ZP2: variants seen among roughly 807,000 people sequenced by gnomAD.
The protein encoded by ZP2 is zona pellucida glycoprotein 2.
Under a neutral mutation model 84.0 loss-of-function variants are expected in ZP2, and 51 were observed. That is an observed-to-expected ratio of 0.61 (90% CI 0.49 to 0.77). The LOEUF is 0.77. ZP2 is among the 30% of genes least tolerant of loss of function. The pLI is 0.00. For synonymous variants in ZP2, 375 were observed against 330.9 expected (o/e 1.13, Z -1.45); for missense variants, 909 against 911.9 (o/e 1.00, Z 0.04).
rs755332082 is a variant in ZP2 at position 21,209,689 on chromosome 16, A to G, written c.272T>C (p.Ile91Thr). ...CAGGGTGAGCTTTTCTGGGTCCAGG[A>G]TGTAAGTGCAGTTCGGCATGTCGAG... ...LGLDMPNCTY[I>T]LDPEKLTLRA... The change falls in exon 4 of 19, where the codon ATC becomes ACC. Residue 91 changes from isoleucine (I) to threonine (T), a missense_variant. Transcript: ENST00000574091. The G allele has an allele frequency of 6.2e-7, 1 of 1,614,010 alleles. No homozygotes were observed. Among genetic ancestry groups the G allele is most frequent in the Non-Finnish European group, 8.5e-7 (1 of 1,180,008 alleles).
chr16:21,205,922 G>T, intron 5 of ZP2, 147 bp from the exon 6 acceptor site: 1 of 738,282 alleles, frequency 1.4e-6, no homozygotes, highest in East Asian at 2.7e-5. Flanking sequence ...TGTGCCCTTA[G>T]ATGTCATTAT....
rs772193478 is a variant in ZP2, at chr16:21,201,502, G to A, written c.1561C>T (p.Arg521Cys). ...CTCACTTCCATGTAAATTGGTTGGCGGAGGAATCTCACTAGAGGGTACTCG... is the reference window on the plus strand; with the variant it reads ...CTCACTTCCATGTAAATTGGTTGGCAGAGGAATCTCACTAGAGGGTACTCG... ...ENEYPLVRFL[R>C]QPIYMEVRVL... is the part of the protein sequence containing the mutation. Residue 521 changes from arginine (R) to cysteine (C), a missense_variant, in exon 14 of 19, where the codon CGC becomes TGC. Arg to Cys is a radical substitution (Grantham distance 180, BLOSUM62 -3). Coordinates refer to ENST00000574091, the MANE Select transcript of ZP2 (RefSeq NM_001376232.1). 50 of 1,613,462 alleles carry A rather than the reference G, an allele frequency of 3.1e-5. No individual in the cohort carries two copies. Among genetic ancestry groups the A allele is most frequent in the South Asian group, 2.1e-4 (19 of 90,894 alleles).
In ZP2 at chr16:21,205,793, T is replaced by C. The variant is rs1302499054; in HGVS notation, c.484-18A>G. 1.2e-6 allele frequency: 2 copies of C among 1,613,548 alleles called. No individual in the cohort carries two copies. Among genetic ancestry groups the C allele is most frequent in the Admixed American group, 1.7e-5 (1 of 59,998 alleles). On this transcript the variant is annotated intron_variant, in intron 5 of 18. Transcript: ENST00000574091. ...AAGGAAAACTGGAAGAAAAGAATTGTGATGTAAGACTTTGATTTGGAGGTA... is the reference window on the plus strand; with the variant it reads ...AAGGAAAACTGGAAGAAAAGAATTGCGATGTAAGACTTTGATTTGGAGGTA...
chr16:21,205,219 C>T (rs1403263312), intron 7 of ZP2, among the ~76,000 whole-genome samples: 1 of 152,148 alleles, frequency 6.6e-6, no homozygotes, highest in Non-Finnish European at 1.5e-5. Flanking sequence ...TCTTGAACTC[C>T]TGACCTCAAG....
At chr16:21,197,995 A>C in intron 17 of ZP2, 146 bp from the exon 18 acceptor site, 1 of 689,670 alleles carries the variant, frequency 1.4e-6, no homozygotes, top group Non-Finnish European at 2.5e-6. Context: ...ATACACACTT[A>C]AGTTTGGCCA....
Position 21,199,754 on chromosome 16 carries a change from G to A in ZP2, c.1819C>T (p.Leu607Phe), listed in dbSNP as rs1010611563. 1.2e-6 allele frequency: 2 copies of A among 1,613,950 alleles called. No individual in the cohort carries two copies. The highest frequency in any genetic ancestry group is 1.7e-6 in the Non-Finnish European group (2 of 1,179,988). Residue 607 changes from leucine (L) to phenylalanine (F), a missense_variant, in exon 15 of 19, where the codon CTC becomes TTC. Physicochemically the swap from Leu to Phe is conservative, Grantham distance 22 (BLOSUM62 0). Transcript: ENST00000574091. ...TCTGAATCACTTACCAGGCTAGAGA[G>A]CACGTGGGCTTCTGATACAAAGGCA... The part of the protein sequence containing the change: ...AFAFVSEAHV[L>F]SSLVYFHCSA...
upstream of ZP2, among the ~76,000 whole-genome samples, chr16:21,213,251 G>A (rs1381662907): frequency 6.6e-6 from 1 of 152,116 alleles, no homozygotes; most frequent in Non-Finnish European, 1.5e-5. Context: ...CACCATGTTG[G>A]CCAGGCTGGT....
At chr16:21,205,970 G>A in intron 5 of ZP2, 195 bp from the exon 6 acceptor site, 1 of 608,652 alleles carries the variant, frequency 1.6e-6, no homozygotes, top group Middle Eastern at 2.6e-4. Context: ...GCAGCTGGAA[G>A]ATCTAAGCTC....
Position 21,203,149 on chromosome 16 carries a change from G to C in ZP2, c.1075C>G (p.Leu359Val). 6.2e-7 allele frequency: 1 copy of C among 1,613,682 alleles called. No homozygotes were observed. Among genetic ancestry groups the C allele is most frequent in the Non-Finnish European group, 8.5e-7 (1 of 1,179,794 alleles). ...CCTATAGAAACGGGTGACTCACAGA[G>C]ACACTCAGGATAGATCACCATGGAT... ...TVSMVIYPEC[L>V]CESPVSIVTG... The change falls in exon 10 of 19, where the codon CTC becomes GTC. Residue 359 changes from leucine (L) to valine (V), a missense_variant. Physicochemically the swap from Leu to Val is conservative, Grantham distance 32. Transcript: ENST00000574091.
At position 21,209,691 on chromosome 16, in the gene ZP2, G is replaced by A. The variant is rs781611335; in HGVS notation, c.270C>T (p.Tyr90=). ...PLGLDMPNCT[Y]ILDPEKLTLR... ...GGGTGAGCTTTTCTGGGTCCAGGATGTAAGTGCAGTTCGGCATGTCGAGAC... is the reference window on the plus strand; with the variant it reads ...GGGTGAGCTTTTCTGGGTCCAGGATATAAGTGCAGTTCGGCATGTCGAGAC... Residue 90 remains tyrosine (Y), a synonymous_variant, in exon 4 of 19, where the codon TAC becomes TAT. Transcript: ENST00000574091. 6 of 1,614,180 alleles carry A rather than the reference G, an allele frequency of 3.7e-6. No individual in the cohort carries two copies. Among genetic ancestry groups the A allele is most frequent in the Middle Eastern group, 1.6e-4 (1 of 6,062 alleles).
Position 21,204,424 on chromosome 16 carries a change from T to G in ZP2, c.694-20A>C. ...ACCTTGCTAGGGGGAGAAATAACAG[T>G]GATCTTCAAAAACATTGGTTACTTG... On this transcript the variant is annotated intron_variant, in intron 7 of 18. Coordinates refer to ENST00000574091, the MANE Select transcript of ZP2 (RefSeq NM_001376232.1). 1 of 1,599,438 alleles carries G rather than the reference T, an allele frequency of 6.3e-7. No homozygotes were observed. The highest frequency in any genetic ancestry group is 8.6e-7 in the Non-Finnish European group (1 of 1,168,468).
intron 6 of ZP2, 70 bp from the exon 7 acceptor site, chr16:21,205,654 A>C: frequency 6.2e-7 from 1 of 1,612,016 alleles, no homozygotes; most frequent in Non-Finnish European, 8.5e-7. Context: ...CTAACAATTT[A>C]TCAGGTTAAA....
rs950747833 is a variant in ZP2 at position 21,201,954 on chromosome 16, T to C, written c.1357A>G (p.Ile453Val). The C allele has an allele frequency of 1.2e-6, 2 of 1,614,040 alleles. No individual in the cohort carries two copies. The change falls in exon 12 of 19, where the codon ATA becomes GTA. Residue 453 changes from isoleucine (I) to valine (V), a missense_variant. Transcript: ENST00000574091. ...CACCTGAACTCACTGTCTCTAGATATTTTGCTTGGAGGAAAATCCGTCCAG... is the reference window on the plus strand; with the variant it reads ...CACCTGAACTCACTGTCTCTAGATACTTTGCTTGGAGGAAAATCCGTCCAG... ...ALWTDFPPSK[I>V]SRDSEFRMTV...
rs747709277 is a variant in ZP2 at position 21,199,575 on chromosome 16, C to T, written c.1922G>A (p.Arg641Lys). The change falls in exon 16 of 19, where the codon AGG becomes AAG. Residue 641 changes from arginine to lysine, a missense_variant. Physicochemically the swap from Arg to Lys is conservative, Grantham distance 26. Coordinates refer to ENST00000574091, the MANE Select transcript of ZP2 (RefSeq NM_001376232.1). ...CAGGAATTTGAAGTTTTTACCTCGC[C>T]TGTGCCTAGAGGACACAGGGCAGGT... ...SVTCPVSSRH[R>K]RATGATEAEK... The T allele has an allele frequency of 3.1e-6, 5 of 1,588,840 alleles. No individual in the cohort carries two copies. The African/African-American group carries it at 4.1e-5, about 13-fold the overall frequency.
chr16:21,211,938 T>C (rs551327371), upstream of ZP2, among the ~76,000 whole-genome samples: 8 of 152,190 alleles, frequency 5.3e-5, no homozygotes, highest in Admixed American at 1.3e-4. Context: ...CATTTTTTTT[T>C]TTTTTTTGAG....
chr16:21,201,842 TG>T lies in ZP2; in HGVS notation c.1380-13del. 1 of 1,614,052 alleles carries T rather than the reference TG, an allele frequency of 6.2e-7. No individual in the cohort carries two copies. Among genetic ancestry groups the T allele is most frequent in the East Asian group, 2.2e-5 (1 of 44,882 alleles). On this transcript the variant is annotated splice_polypyrimidine_tract_variant and intron_variant, in intron 12 of 18. Coordinates refer to ENST00000574091, the MANE Select transcript of ZP2 (RefSeq NM_001376232.1). ...ACTTCACTGTCATTCTGTAAGAGTTTGGAGGGAAGGTAGGTACAGAAAATTT... is the reference window on the plus strand; with the variant it reads ...ACTTCACTGTCATTCTGTAAGAGTTTGAGGGAAGGTAGGTACAGAAAATTT...
Position 21,199,772 on chromosome 16 carries a change from C to G in ZP2, c.1801G>C (p.Val601Leu). Residue 601 changes from valine (V) to leucine (L), a missense_variant, in exon 15 of 19, where the codon GTA becomes CTA. By Grantham distance (32) the Val-to-Leu change is conservative. Transcript: ENST00000574091. ...QRFDMKAFAF[V>L]SEAHVLSSLV... is the part of the protein sequence containing the mutation. ...CTAGAGAGCACGTGGGCTTCTGATA[C>G]AAAGGCAAAAGCCTTCATGTCAAAC... The G allele has an allele frequency of 6.2e-7, 1 of 1,614,084 alleles. No individual in the cohort carries two copies. The highest frequency in any genetic ancestry group is 8.5e-7 in the Non-Finnish European group (1 of 1,180,000).
rs903488222 is a variant in ZP2, at chr16:21,202,303, T to C, written c.1100-12A>G. The C allele has an allele frequency of 4.7e-6, 7 of 1,492,526 alleles. No homozygotes were observed. The highest frequency in any genetic ancestry group is 1.8e-4 in the Middle Eastern group (1 of 5,582). The allele number at this position is 1,492,526 out of a possible 1,614,324, so 92.5% of individuals were successfully genotyped here. Reference sequence around the variant, plus strand: ...CAGCTCCCCTGTAACTAGACAGCGGTGAAAGTTTAGAGAAAATAAGTTTGT... The same window carrying C: ...CAGCTCCCCTGTAACTAGACAGCGGCGAAAGTTTAGAGAAAATAAGTTTGT... On this transcript the variant is annotated splice_polypyrimidine_tract_variant and intron_variant, in intron 10 of 18. Transcript: ENST00000574091.
In ZP2 at chr16:21,206,863, G is replaced by A. The variant is rs1164528110; in HGVS notation, c.458C>T (p.Thr153Ile). 5 of 1,614,030 alleles carry A rather than the reference G, an allele frequency of 3.1e-6. No individual in the cohort carries two copies. Among genetic ancestry groups the A allele is most frequent in the East Asian group, 4.5e-5 (2 of 44,900 alleles). ...VEETQGLSAS[T>I]ICQKDFMSFS... is the part of the protein sequence containing the mutation. ...AGACATGAAATCCTTCTGGCAGATT[G>A]TAGATGCTGAAAGCCCCTGGGTCTC... is the stretch of plus-strand genomic sequence containing the variant. Residue 153 changes from threonine (T) to isoleucine (I), a missense_variant, in exon 5 of 19, where the codon ACA (threonine) becomes ATA (isoleucine). Physicochemically the swap from Thr to Ile is moderately conservative, Grantham distance 89. Transcript: ENST00000574091.
Sources: allele counts gnomAD v4.1 joint callset (sites outside exome capture counted in the v4.1 genomes callset), GRCh38; gene constraint gnomAD v4.1.1; transcripts MANE v1.5; gene names NCBI Gene and HGNC (gene_info 2026-07-23, HGNC 2026-07-21).